The following LMX1A variants were observed in gnomAD, a reference collection of about 807,000 sequenced individuals.
The protein encoded by LMX1A is LIM homeobox transcription factor 1-alpha.
LMX1A carries 15 observed loss-of-function variants against 49.1 expected under a neutral mutation model. The observed-to-expected ratio is 0.31, with a 90% CI of 0.20 to 0.47. The LOEUF is 0.47. Ranked by LOEUF, LMX1A falls within the 20% of genes least tolerant of loss-of-function variation. LMX1A has a pLI of 1.00. For synonymous variants in LMX1A, 167 were observed against 185.7 expected (o/e 0.90, Z 0.82); for missense variants, 372 against 475.8 (o/e 0.78, Z 2.03).
At chr1:165,261,363 A>G (rs1653433611) in intron 3 of LMX1A, among the ~76,000 whole-genome samples, 4 of 152,114 alleles carry the variant, frequency 2.6e-5, no homozygotes, top group Admixed American at 2.6e-4. Context: ...ACCCCTTACA[A>G]TGGCTACTTT....
Position 165,237,439 on chromosome 1 carries a change from G to A in LMX1A, c.496+11969C>T, listed in dbSNP as rs116309457. Among the ~76,000 whole-genome samples, 972 of 152,076 alleles carry A rather than the reference G, an allele frequency of 6.4e-3. 6 individuals are homozygous for A. Among genetic ancestry groups the A allele is most frequent in the African/African-American group, 0.021 (855 of 41,476 alleles). On this transcript the variant is annotated intron_variant, in intron 4 of 8. Transcript: ENST00000342310. The stretch of plus-strand genomic sequence containing the variant: ...ACGGGGTTTCACCCAGGATGGTCTC[G>A]ATCTCCTGATCTCGTGATCCGCCCG...
At chr1:165,256,064 CATCT>C (rs1215792752) in intron 3 of LMX1A, among the ~76,000 whole-genome samples, 1 of 152,196 alleles carries the variant, frequency 6.6e-6, no homozygotes, top group East Asian at 1.9e-4. Flanking sequence ...GGCATGACTG[CATCT>C]CCAGAGCATA....
At chr1:165,259,367 A>T (rs1653354750) in intron 3 of LMX1A, among the ~76,000 whole-genome samples, 1 of 152,210 alleles carries the variant, frequency 6.6e-6, no homozygotes, top group Admixed American at 6.5e-5. Context: ...ATTGCCTAAC[A>T]CCCAGCATAT....
At chr1:165,276,872 C>G (rs1423095680) in intron 3 of LMX1A, among the ~76,000 whole-genome samples, 1 of 152,212 alleles carries the variant, frequency 6.6e-6, no homozygotes, top group African/African-American at 2.4e-5. Context: ...TTGCTGATAA[C>G]TCCACCTTAC....
At chr1:165,254,854 TA>T (rs1269005205) in intron 3 of LMX1A, among the ~76,000 whole-genome samples, 3 of 152,176 alleles carry the variant, frequency 2.0e-5, no homozygotes, top group African/African-American at 7.2e-5. Context: ...AAGGCATACA[TA>T]ACACCACCCA....
At chr1:165,287,083 C>T (rs756807379) in intron 3 of LMX1A, among the ~76,000 whole-genome samples, 3 of 152,126 alleles carry the variant, frequency 2.0e-5, no homozygotes, top group Non-Finnish European at 4.4e-5. Context: ...CCCTATTATG[C>T]TTGATAATAG....
chr1:165,218,327 C>T (rs541074219), intron 4 of LMX1A: 2 of 152,382 alleles, frequency 1.3e-5, no homozygotes, highest in South Asian at 2.1e-4. Flanking sequence ...CCAACAGTCA[C>T]CAATGTGGAA....
intron 4 of LMX1A, among the ~76,000 whole-genome samples, chr1:165,224,984 G>A (rs1221321491): frequency 6.6e-6 from 1 of 152,188 alleles, no homozygotes; most frequent in African/African-American, 2.4e-5. Context: ...AGCAGGTCAT[G>A]AAAAAGAGAA....
chr1:165,262,363 G>T (rs1161585405), intron 3 of LMX1A, among the ~76,000 whole-genome samples: 1 of 152,190 alleles, frequency 6.6e-6, no homozygotes, highest in Non-Finnish European at 1.5e-5. Context: ...TTGGAACTAA[G>T]AGAATGAAAG....
chr1:165,269,396 C>T (rs1042490755), intron 3 of LMX1A, among the ~76,000 whole-genome samples: 1 of 152,202 alleles, frequency 6.6e-6, no homozygotes, highest in Non-Finnish European at 1.5e-5. Context: ...TAGACATCTC[C>T]CCTGGTGACC....
intron 3 of LMX1A, among the ~76,000 whole-genome samples, chr1:165,326,119 A>G (rs1354051424): frequency 6.6e-6 from 1 of 151,980 alleles, no homozygotes; most frequent in East Asian, 1.9e-4. Flanking sequence ...CAAATCCATC[A>G]CTGGCCTCCC....
chr1:165,223,806 C>CT (rs1339682395), intron 4 of LMX1A, among the ~76,000 whole-genome samples: 2 of 127,278 alleles, frequency 1.6e-5, no homozygotes, highest in African/African-American at 6.1e-5. Context: ...TAAGTACAAA[C>CT]TTTAAAAAAA....
rs763226420 is a variant in LMX1A at position 165,249,448 on chromosome 1, C to T, written c.456G>A (p.Arg152=). ...CTGGGCTCACCAGGCTGAGCAGCTCCCGCTCCTTCTCATAGTCCCCTTTGC... is the reference window on the plus strand; with the variant it reads ...CTGGGCTCACCAGGCTGAGCAGCTCTCGCTCCTTCTCATAGTCCCCTTTGC... ...LLCKGDYEKE[R]ELLSLVSPAA... is the part of the protein sequence containing the mutation. The change falls in exon 4 of 9, where the codon CGG becomes CGA. Residue 152 remains arginine, a synonymous_variant. Transcript: ENST00000342310. The T allele has an allele frequency of 3.4e-5, 55 of 1,614,018 alleles. No homozygotes were observed. The highest frequency in any genetic ancestry group is 4.4e-5 in the Non-Finnish European group (52 of 1,180,024).
At chr1:165,347,828 T>C (rs1656294531) in intron 3 of LMX1A, among the ~76,000 whole-genome samples, 2 of 152,232 alleles carry the variant, frequency 1.3e-5, no homozygotes, top group South Asian at 4.1e-4. Context: ...ATGAGTATTT[T>C]AAACCTTTGT....
At chr1:165,284,506 G>A (rs1654247308) in intron 3 of LMX1A, among the ~76,000 whole-genome samples, 1 of 152,218 alleles carries the variant, frequency 6.6e-6, no homozygotes. Flanking sequence ...TGAGCAGGCA[G>A]GCTGTGGAGG....
At chr1:165,293,439 A>T (rs776050545) in intron 3 of LMX1A, among the ~76,000 whole-genome samples, 1 of 152,240 alleles carries the variant, frequency 6.6e-6, no homozygotes, top group Non-Finnish European at 1.5e-5. Flanking sequence ...TCATCTGTAG[A>T]ATAAGAGAAT....
chr1:165,329,864 G>A (rs763790885), intron 3 of LMX1A, among the ~76,000 whole-genome samples: 2 of 152,166 alleles, frequency 1.3e-5, no homozygotes, highest in Non-Finnish European at 2.9e-5. Flanking sequence ...CTATCTCCAA[G>A]ACTGACACAT....
chr1:165,208,107 T>G lies in LMX1A; in HGVS notation c.773A>C (p.Gln258Pro). 1 of 1,614,052 alleles carries G rather than the reference T, an allele frequency of 6.2e-7. No homozygotes were observed. ...GTTCTGCTGATCTTGCTGCTGCTGC[T>G]GCTGTCGCCTGGCCAGCTTCTTCAT... is the stretch of plus-strand genomic sequence containing the variant. ...AKMKKLARRQ[Q>P]QQQQDQQNTQ... Residue 258 changes from glutamine (Q) to proline (P), a missense_variant, in exon 7 of 9, where the codon CAG (glutamine) becomes CCG (proline). This residue lies in a region of LMX1A where 46 missense variants were observed against 93.8 expected (regional missense o/e 0.49). Coordinates refer to ENST00000342310, the MANE Select transcript of LMX1A (RefSeq NM_177398.4).
intron 3 of LMX1A, among the ~76,000 whole-genome samples, chr1:165,282,424 T>C (rs1654181891): frequency 6.6e-6 from 1 of 152,236 alleles, no homozygotes; most frequent in Admixed American, 6.5e-5. Context: ...CTAGGTTACT[T>C]ATAATACCTA....
Sources: gnomAD v4.1 joint callset for allele counts (sites outside exome capture counted in the v4.1 genomes callset) on GRCh38, gnomAD v4.1.1 for gene constraint, gnomAD v4.1.1 regional missense constraint, MANE v1.5 for transcripts, NCBI Gene and HGNC (gene_info 2026-07-23, HGNC 2026-07-21) for gene names.